CSRNP3: variants seen among roughly 807,000 people sequenced by gnomAD.
CSRNP3 encodes the protein cysteine/serine-rich nuclear protein 3.
Under a neutral mutation model 48.0 loss-of-function variants are expected in CSRNP3, and 12 were observed. That is an observed-to-expected ratio of 0.25 (90% confidence interval 0.16 to 0.41). The LOEUF is 0.41. Ranked by LOEUF, CSRNP3 falls within the 10% of genes least tolerant of loss-of-function variation. The probability of loss-of-function intolerance (pLI) is 1.00; values close to 1 mark genes in which losing one functional copy is unlikely to be tolerated. For missense variants in CSRNP3, 580 were observed against 724.4 expected, an observed-to-expected ratio of 0.80 and a Z score of 2.29; for synonymous variants, 263 against 269.7, an observed-to-expected ratio of 0.98 and a Z score of 0.24.
intron 3 of CSRNP3, among the ~76,000 whole-genome samples, chr2:165,551,973 C>A (rs1685101307): frequency 6.6e-6 from 1 of 152,160 alleles, no homozygotes; most frequent in South Asian, 2.1e-4. Flanking sequence ...GGAATCTAAC[C>A]TATTAATTAT....
chr2:165,474,366 A>G (rs1225409891), intron 1 of CSRNP3, among the ~76,000 whole-genome samples: 7 of 152,114 alleles, frequency 4.6e-5, no homozygotes, highest in Non-Finnish European at 2.9e-5. Flanking sequence ...CAGCCTCCCA[A>G]GTGGCTGGGG....
chr2:165,520,458 C>T (rs979110260), intron 3 of CSRNP3, among the ~76,000 whole-genome samples: 3 of 151,880 alleles, frequency 2.0e-5, no homozygotes, highest in Non-Finnish European at 4.4e-5. Flanking sequence ...GTAGTTGAGT[C>T]GTTTTGTTTT....
At chr2:165,518,820 C>G (rs1162799791) in intron 3 of CSRNP3, among the ~76,000 whole-genome samples, 1 of 151,992 alleles carries the variant, frequency 6.6e-6, no homozygotes, top group Non-Finnish European at 1.5e-5. Context: ...TTATTTAGGA[C>G]TTAGCATATG....
intron 6 of CSRNP3, among the ~76,000 whole-genome samples, chr2:165,677,492 A>G (rs1687446148): frequency 6.6e-6 from 1 of 152,126 alleles, no homozygotes; most frequent in Non-Finnish European, 1.5e-5. Flanking sequence ...GGCTTTTTCA[A>G]TAAGGAAAGC....
chr2:165,574,958 C>G (rs1685425022), intron 3 of CSRNP3, among the ~76,000 whole-genome samples: 1 of 152,072 alleles, frequency 6.6e-6, no homozygotes, highest in Admixed American at 6.6e-5. Flanking sequence ...TGCCAAATAT[C>G]TTCTCAGAGC....
At chr2:165,667,930 G>C (rs1053247114) in intron 5 of CSRNP3, among the ~76,000 whole-genome samples, 1 of 152,268 alleles carries the variant, frequency 6.6e-6, no homozygotes, top group South Asian at 2.1e-4. Flanking sequence ...ACCTAGTACA[G>C]TGCTTGGCAA....
At chr2:165,625,675 G>C (rs141743927) in intron 4 of CSRNP3, among the ~76,000 whole-genome samples, 21 of 151,646 alleles carry the variant, frequency 1.4e-4, no homozygotes, top group Non-Finnish European at 2.1e-4. Context: ...ATGAGGCCAG[G>C]CATGGTGACT....
chr2:165,604,242 T>A (rs1685972217), intron 4 of CSRNP3, among the ~76,000 whole-genome samples: 3 of 152,228 alleles, frequency 2.0e-5, no homozygotes. Context: ...TGGAATTATT[T>A]ATGCACACAT....
chr2:165,612,417 G>A (rs1308362609), intron 4 of CSRNP3, among the ~76,000 whole-genome samples: 3 of 151,966 alleles, frequency 2.0e-5, no homozygotes, highest in African/African-American at 7.2e-5. Flanking sequence ...ATTTCTCTGT[G>A]TTGTGAACAT....
intron 3 of CSRNP3, among the ~76,000 whole-genome samples, chr2:165,585,503 T>C (rs1172706994): frequency 6.6e-6 from 1 of 152,172 alleles, no homozygotes; most frequent in Non-Finnish European, 1.5e-5. Context: ...CCTTTCTGAG[T>C]AAAGCTAAAG....
intron 4 of CSRNP3, among the ~76,000 whole-genome samples, chr2:165,613,005 C>T (rs1017649505): frequency 3.9e-5 from 6 of 152,052 alleles, no homozygotes; most frequent in Non-Finnish European, 5.9e-5. Flanking sequence ...TACTATATTC[C>T]ATAATGGCTG....
At chr2:165,587,734 T>G (rs995637369) in intron 3 of CSRNP3, among the ~76,000 whole-genome samples, 21 of 152,204 alleles carry the variant, frequency 1.4e-4, no homozygotes, top group Admixed American at 9.8e-4. Context: ...CTTAAGTTAG[T>G]CTAGAGTTGG....
chr2:165,624,102 G>A (rs765697342), intron 4 of CSRNP3, among the ~76,000 whole-genome samples: 5 of 152,186 alleles, frequency 3.3e-5, no homozygotes, highest in African/African-American at 4.8e-5. Context: ...TTTCATCCTC[G>A]TCTGTAAAGC....
chr2:165,473,950 C>T (rs949825809), intron 1 of CSRNP3, among the ~76,000 whole-genome samples: 11 of 151,980 alleles, frequency 7.2e-5, no homozygotes, highest in African/African-American at 2.2e-4. Context: ...CACTTTGATA[C>T]GAGATCAACT....
intron 3 of CSRNP3, among the ~76,000 whole-genome samples, chr2:165,548,372 A>C (rs1053009932): frequency 6.6e-6 from 1 of 152,042 alleles, no homozygotes; most frequent in Admixed American, 6.6e-5. Flanking sequence ...TTAGTAACAT[A>C]TACCTCTCCA....
intron 1 of CSRNP3, among the ~76,000 whole-genome samples, chr2:165,475,328 C>T (rs1683946555): frequency 6.6e-6 from 1 of 152,128 alleles, no homozygotes; most frequent in Admixed American, 6.5e-5. Context: ...TCTCATGCTG[C>T]CCACTGAACT....
chr2:165,505,190 A>G (rs1176199483), intron 2 of CSRNP3, among the ~76,000 whole-genome samples: 2 of 152,160 alleles, frequency 1.3e-5, no homozygotes, highest in Non-Finnish European at 2.9e-5. Flanking sequence ...CAAAACGAAA[A>G]AACAAGCAAG....
chr2:165,617,575 G>A (rs1310479090), intron 4 of CSRNP3, among the ~76,000 whole-genome samples: 1 of 152,196 alleles, frequency 6.6e-6, no homozygotes, highest in Non-Finnish European at 1.5e-5. Flanking sequence ...TGGTGATGAT[G>A]GGCTGGGCAG....
In CSRNP3 at chr2:165,627,369, C is replaced by T. The variant is rs150127257; in HGVS notation, c.149-30392C>T. ...TCTTTCCATTACCTGAAATCCTTTG[C>T]TATCTCCCCTGGAAGCTCTTTTGCA... On this transcript the variant is annotated intron_variant, in intron 4 of 6. Coordinates refer to ENST00000651982, the MANE Select transcript of CSRNP3 (RefSeq NM_001172173.2). 5.3e-5 allele frequency among the ~76,000 whole-genome samples: 8 copies of T among 152,206 alleles called. No homozygotes were observed. In the East Asian group the frequency reaches 1.5e-3, roughly 29 times the overall value.
Sources: allele counts gnomAD v4.1 joint callset (sites outside exome capture counted in the v4.1 genomes callset), GRCh38; gene constraint gnomAD v4.1.1; transcripts MANE v1.5; gene names NCBI Gene and HGNC (gene_info 2026-07-23, HGNC 2026-07-21).